SRF: variants seen among roughly 807,000 people sequenced by gnomAD.
SRF encodes serum response factor, also known as c-fos serum response element-binding transcription factor.
A neutral mutation model predicts 37.1 loss-of-function variants in SRF; 7 were observed. The observed-to-expected ratio is 0.19, with a 90% confidence interval of 0.11 to 0.35. The LOEUF (loss-of-function observed/expected upper bound fraction) is 0.35. Among genes scored for constraint, SRF ranks in the 10% least tolerant of loss-of-function variants. SRF has a pLI of 1.00. For synonymous variants in SRF, 285 were observed against 310.1 expected (o/e 0.92, Z 0.85); for missense variants, 395 against 694.4 (o/e 0.57, Z 4.85).
rs184131028 is a variant in SRF at position 43,172,747 on chromosome 6, C to A, written c.513+578C>A. Among the ~76,000 whole-genome samples the A allele has an allele frequency of 6.6e-5, 10 of 152,254 alleles. No individual in the cohort carries two copies. Among genetic ancestry groups the A allele is most frequent in the Admixed American group, 6.5e-4 (10 of 15,292 alleles). The stretch of plus-strand genomic sequence containing the variant: ...TGCCCTGAGCAGCAGGAACCTAGTC[C>A]TGCGCCGGCCGTGAGTCTTCCATGG... On this transcript the variant is annotated intron_variant, in intron 1 of 6. Coordinates refer to ENST00000265354, the MANE Select transcript of SRF (RefSeq NM_003131.4). This position sits in a 1 kb window ranked among gnomAD's most constrained non-coding sequence, Gnocchi z 5.7.
Position 43,178,511 on chromosome 6 carries a change from A to G in SRF, c.1354+26A>G, listed in dbSNP as rs754174160. 1.4e-5 allele frequency: 22 copies of G among 1,602,800 alleles called. No individual in the cohort carries two copies. The highest frequency in any genetic ancestry group is 1.5e-5 in the Non-Finnish European group (17 of 1,171,880). The stretch of plus-strand genomic sequence containing the variant: ...GTGAGTAGAGGAGCAGGGCTAAGGA[A>G]AGGAGGACCGTTTCCTTCTTTATAC... On this transcript the variant is annotated intron_variant, in intron 5 of 6. Coordinates refer to ENST00000265354, the MANE Select transcript of SRF (RefSeq NM_003131.4). This position sits in a 1 kb window ranked among gnomAD's most constrained non-coding sequence, Gnocchi z 4.3.
chr6:43,171,717 A>G lies in SRF; in HGVS notation c.61A>G (p.Ser21Gly). ...GGGCCGGGGCTCGGCCCTGGGGGGC[A>G]GCCTGAACCGGACCCCGACGGGGCG... ...ALGRGSALGG[S>G]LNRTPTGRPG... is the part of the protein sequence containing the mutation. The change falls in exon 1 of 7, where the codon AGC becomes GGC. Residue 21 changes from serine (S) to glycine (G), a missense_variant. By Grantham distance (56) the Ser-to-Gly change is moderately conservative. Coordinates refer to ENST00000265354, the MANE Select transcript of SRF (RefSeq NM_003131.4). The surrounding 1 kb of genome is among the most constrained non-coding windows in gnomAD (Gnocchi z 6.5). The G allele has an allele frequency of 1.0e-5, 12 of 1,204,798 alleles. No individual in the cohort carries two copies. Among genetic ancestry groups the G allele is most frequent in the Non-Finnish European group, 1.2e-5 (12 of 969,880 alleles). The allele number at this position is 1,204,798 out of a possible 1,614,324, so 74.6% of individuals were successfully genotyped here.
chr6:43,176,434 G>A lies in SRF; in HGVS notation c.1043-114G>A, dbSNP rs1772198873. 1.3e-6 allele frequency: 2 copies of A among 1,501,318 alleles called. No individual in the cohort carries two copies. The highest frequency in any genetic ancestry group is 1.8e-6 in the Non-Finnish European group (2 of 1,103,800). 93.0% of individuals were successfully genotyped at this position (1,501,318 alleles called of 1,614,324 possible). On this transcript the variant is annotated intron_variant, in intron 3 of 6. Transcript: ENST00000265354. This position sits in a 1 kb window ranked among gnomAD's most constrained non-coding sequence, Gnocchi z 4.0. ...GCCTCTTTGGCTTCCAGGAAAGATA[G>A]TGATGGGAGTTGGAGACCAGTGTGC...
chr6:43,177,376 C>T (rs1393030207), intron 4 of SRF, among the ~76,000 whole-genome samples: 2 of 151,516 alleles, frequency 1.3e-5, no homozygotes, highest in African/African-American at 2.4e-5. Flanking sequence ...ACTACAGGTG[C>T]CCGCCACCAC....
Position 43,181,115 on chromosome 6 carries a change from C to A in SRF, c.*1925C>A, listed in dbSNP as rs960235350. 1 of 152,722 alleles carries A rather than the reference C, an allele frequency of 6.5e-6. No homozygotes were observed. Among genetic ancestry groups the A allele is most frequent in the Admixed American group, 6.5e-5 (1 of 15,282 alleles). 9.5% of individuals were successfully genotyped at this position (152,722 alleles called of 1,614,324 possible). ...ATCACTCACTCACTCCCCACTCCCC[C>A]ACCCATGGGGAGGAGACCTTTGATG... is the stretch of plus-strand genomic sequence containing the variant. On this transcript the variant is annotated 3_prime_UTR_variant, in exon 7 of 7. Transcript: ENST00000265354.
Position 43,171,872 on chromosome 6 carries a change from G to A in SRF, c.216G>A (p.Ala72=). Residue 72 remains alanine, a synonymous_variant, in exon 1 of 7, where the codon GCG becomes GCA. Transcript: ENST00000265354. This position sits in a 1 kb window ranked among gnomAD's most constrained non-coding sequence, Gnocchi z 6.5. ...CGGCAACCACCCCGGCGCCCACCGC[G>A]GGGGCCCTCTACAGCGGCAGCGAGG... The part of the protein sequence containing the change: ...AAAATTPAPT[A]GALYSGSEGD... The A allele has an allele frequency of 7.5e-7, 1 of 1,340,186 alleles. No homozygotes were observed. Among genetic ancestry groups the A allele is most frequent in the Non-Finnish European group, 9.5e-7 (1 of 1,048,268 alleles). 83.0% of individuals were successfully genotyped at this position (1,340,186 alleles called of 1,614,324 possible). A position where few individuals can be genotyped will look rare whatever the true frequency, so the allele number is the denominator to read the frequency against.
rs1340304392 is a variant in SRF, at chr6:43,176,068, T to A, written c.1042+101T>A. On this transcript the variant is annotated intron_variant, in intron 3 of 6. Coordinates refer to ENST00000265354, the MANE Select transcript of SRF (RefSeq NM_003131.4). This position sits in a 1 kb window ranked among gnomAD's most constrained non-coding sequence, Gnocchi z 4.0. ...GCACCAAGAGAACCTCTTTCCCTGC[T>A]CAGAAGGAAGGTGAATAGGGGCCAG... 6.7e-7 allele frequency: 1 copy of A among 1,487,076 alleles called. No homozygotes were observed. Among genetic ancestry groups the A allele is most frequent in the Non-Finnish European group, 9.0e-7 (1 of 1,110,622 alleles). The allele number at this position is 1,487,076 out of a possible 1,614,324, so 92.1% of individuals were successfully genotyped here. A position where few individuals can be genotyped will look rare whatever the true frequency, so the allele number is the denominator to read the frequency against.
In SRF at chr6:43,172,485, C is replaced by T. The variant is rs1430623945; in HGVS notation, c.513+316C>T. 4.1e-6 allele frequency: 4 copies of T among 984,248 alleles called. No individual in the cohort carries two copies. Among genetic ancestry groups the T allele is most frequent in the African/African-American group, 3.5e-5 (2 of 57,160 alleles). 61.0% of individuals were successfully genotyped at this position (984,248 alleles called of 1,614,324 possible). On this transcript the variant is annotated intron_variant, in intron 1 of 6. Coordinates refer to ENST00000265354, the MANE Select transcript of SRF (RefSeq NM_003131.4). The surrounding 1 kb of genome is among the most constrained non-coding windows in gnomAD (Gnocchi z 5.7). ...CGGTGATGGGAGGCTACGAGGCTGC[C>T]GGGGAGGTGGATAATGAGAACCCGG... is the stretch of plus-strand genomic sequence containing the variant.
Position 43,179,450 on chromosome 6 carries a change from C to A in SRF, c.*260C>A. 2 of 535,920 alleles carry A rather than the reference C, an allele frequency of 3.7e-6. 1 individual carries two copies. The highest frequency in any genetic ancestry group is 4.0e-5 in the South Asian group (2 of 49,416). 33.2% of individuals were successfully genotyped at this position (535,920 alleles called of 1,614,324 possible). The stretch of plus-strand genomic sequence containing the variant: ...GAGGGGCTGTCCTCCTTCCTGGGAC[C>A]CCCTCGCCAGCTTGGCTCGATGTTT... On this transcript the variant is annotated 3_prime_UTR_variant, in exon 7 of 7. Coordinates refer to ENST00000265354, the MANE Select transcript of SRF (RefSeq NM_003131.4). This position sits in a 1 kb window ranked among gnomAD's most constrained non-coding sequence, Gnocchi z 5.3.
rs370035723 is a variant in SRF, at chr6:43,179,055, G to A, written c.1432-40G>A. 2.5e-6 allele frequency: 4 copies of A among 1,609,714 alleles called. No individual in the cohort carries two copies. The African/African-American group carries it at 5.3e-5, about 22-fold the overall frequency. On this transcript the variant is annotated intron_variant, in intron 6 of 6. Transcript: ENST00000265354. The surrounding 1 kb of genome is among the most constrained non-coding windows in gnomAD (Gnocchi z 5.3). ...AAGCCAGGGGAGCCTGAACTGGCTG[G>A]CCAGTCCCTGCCCCTCCTCATACAT...
chr6:43,176,483 A>G lies in SRF; in HGVS notation c.1043-65A>G. ...GCCAGACCCTGGGACTGGGGTGTCC[A>G]TGGGTACTTGGTGGAGGTGGCAATT... On this transcript the variant is annotated intron_variant, in intron 3 of 6. Transcript: ENST00000265354. The surrounding 1 kb of genome is among the most constrained non-coding windows in gnomAD (Gnocchi z 4.0). 6.3e-7 allele frequency: 1 copy of G among 1,599,034 alleles called. No homozygotes were observed. Among genetic ancestry groups the G allele is most frequent in the Non-Finnish European group, 8.5e-7 (1 of 1,169,690 alleles).
chr6:43,179,277 A>C lies in SRF; in HGVS notation c.*87A>C, dbSNP rs1344399224. On this transcript the variant is annotated 3_prime_UTR_variant, in exon 7 of 7. Coordinates refer to ENST00000265354, the MANE Select transcript of SRF (RefSeq NM_003131.4). The surrounding 1 kb of genome is among the most constrained non-coding windows in gnomAD (Gnocchi z 5.3). ...TCACGTTTTCTTTACACACACGTTG[A>C]CGGGCCGCAGGAGGGAGGCGGGGAG... 2.1e-6 allele frequency: 3 copies of C among 1,433,704 alleles called. No individual in the cohort carries two copies. The highest frequency in any genetic ancestry group is 2.9e-6 in the Non-Finnish European group (3 of 1,035,308). 88.8% of individuals were successfully genotyped at this position (1,433,704 alleles called of 1,614,324 possible). A position where few individuals can be genotyped will look rare whatever the true frequency, so the allele number is the denominator to read the frequency against.
rs1772242179 is a variant in SRF, at chr6:43,178,242, G to A, written c.1163-52G>A. 3 of 1,528,914 alleles carry A rather than the reference G, an allele frequency of 2.0e-6. No homozygotes were observed. The highest frequency in any genetic ancestry group is 2.7e-6 in the Non-Finnish European group (3 of 1,130,216). 94.7% of individuals were successfully genotyped at this position (1,528,914 alleles called of 1,614,324 possible). On this transcript the variant is annotated intron_variant, in intron 4 of 6. Coordinates refer to ENST00000265354, the MANE Select transcript of SRF (RefSeq NM_003131.4). The surrounding 1 kb of genome is among the most constrained non-coding windows in gnomAD (Gnocchi z 4.3). Reference sequence around the variant, plus strand: ...GCCTGGAATTCCTAGGGACGGAATGGGAGTTATCAGTGGGGACCAGTGCCG... The same window carrying A: ...GCCTGGAATTCCTAGGGACGGAATGAGAGTTATCAGTGGGGACCAGTGCCG...
Position 43,175,804 on chromosome 6 carries a change from C to T in SRF, c.879C>T (p.Ser293=). 6 of 1,614,246 alleles carry T rather than the reference C, an allele frequency of 3.7e-6. No individual in the cohort carries two copies. Among genetic ancestry groups the T allele is most frequent in the South Asian group, 1.1e-5 (1 of 91,088 alleles). ...PSTSTTMQVS[S]GPSFPITNYL... ...CCTCTACCACCATGCAAGTCAGCAG[C>T]GGCCCCTCCTTTCCCATCACCAACT... Residue 293 remains serine (S), a synonymous_variant, in exon 3 of 7, where the codon AGC becomes AGT. Coordinates refer to ENST00000265354, the MANE Select transcript of SRF (RefSeq NM_003131.4).
rs901534147 is a variant in SRF, at chr6:43,172,885, G to T, written c.513+716G>T. ...ATCTATGCTTGGATGGGGTTTGGGG[G>T]AAGTCAGGGAGGCTTGCAGAGGTAC... On this transcript the variant is annotated intron_variant, in intron 1 of 6. Transcript: ENST00000265354. The surrounding 1 kb of genome is among the most constrained non-coding windows in gnomAD (Gnocchi z 5.7). 6.6e-6 allele frequency among the ~76,000 whole-genome samples: 1 copy of T among 152,130 alleles called. No individual in the cohort carries two copies. Among genetic ancestry groups the T allele is most frequent in the African/African-American group, 2.4e-5 (1 of 41,414 alleles).
chr6:43,172,576 A>G lies in SRF; in HGVS notation c.513+407A>G. ...GCCGGAAAAGCAGGGAGCAAACGAG[A>G]AGGTATGGAGGTGAGGAGGCTGGAG... On this transcript the variant is annotated intron_variant, in intron 1 of 6. Transcript: ENST00000265354. The surrounding 1 kb of genome is among the most constrained non-coding windows in gnomAD (Gnocchi z 5.7). 2 of 519,966 alleles carry G rather than the reference A, an allele frequency of 3.8e-6. No individual in the cohort carries two copies. The highest frequency in any genetic ancestry group is 9.2e-4 in the Middle Eastern group (1 of 1,088). 32.2% of individuals were successfully genotyped at this position (519,966 alleles called of 1,614,324 possible).
rs1406141608 is a variant in SRF at position 43,171,443 on chromosome 6, G to T, written c.-214G>T. 6 of 349,610 alleles carry T rather than the reference G, an allele frequency of 1.7e-5. No homozygotes were observed. The highest frequency in any genetic ancestry group is 2.8e-5 in the Non-Finnish European group (6 of 214,322). 21.7% of individuals were successfully genotyped at this position (349,610 alleles called of 1,614,324 possible). ...AGCAGACGGACAGGGGGCGCTGCGC[G>T]CGGCCTGGGGCAACCCGGGCCACAG... On this transcript the variant is annotated 5_prime_UTR_variant, in exon 1 of 7. Coordinates refer to ENST00000265354, the MANE Select transcript of SRF (RefSeq NM_003131.4). This position sits in a 1 kb window ranked among gnomAD's most constrained non-coding sequence, Gnocchi z 6.5.
chr6:43,174,300 C>T (rs1453882023), intron 2 of SRF, among the ~76,000 whole-genome samples, 187 bp downstream of exon 2: 1 of 152,210 alleles, frequency 6.6e-6, no homozygotes, highest in Non-Finnish European at 1.5e-5. Flanking sequence ...AGCGGGCGGC[C>T]TCCGTGCCCA....
rs142698332 is a variant in SRF at position 43,178,873 on chromosome 6, G to T, written c.1422G>T (p.Gln474His). The T allele has an allele frequency of 2.4e-3, 3,941 of 1,614,214 alleles. 9 individuals carry two copies. Among genetic ancestry groups the T allele is most frequent in the Non-Finnish European group, 3.1e-3 (3,715 of 1,180,022 alleles). Residue 474 changes from glutamine (Q) to histidine (H), a missense_variant, in exon 6 of 7, where the codon CAG (glutamine) becomes CAT (histidine). This residue lies in a region of SRF where 232 missense variants were observed against 335.6 expected (regional missense o/e 0.69). Transcript: ENST00000265354. The surrounding 1 kb of genome is among the most constrained non-coding windows in gnomAD (Gnocchi z 4.3). ...TGCAGATCCCTGTTTCAGCAGTTCA[G>T]CTCCACCAGGTAGGTAGGGATATCT... Reference protein sequence around the residue: ...GTVQIPVSAVQLHQMAVIGQQ... With the variant: ...GTVQIPVSAVHLHQMAVIGQQ...
Sources: gnomAD v4.1 joint callset for allele counts (sites outside exome capture counted in the v4.1 genomes callset) on GRCh38, gnomAD v4.1.1 for gene constraint, gnomAD v4.1.1 regional missense constraint, Gnocchi (gnomAD v3.1) non-coding constraint, MANE v1.5 for transcripts, NCBI Gene and HGNC (gene_info 2026-07-23, HGNC 2026-07-21) for gene names.